Variants in ACACB observed in about 807,000 individuals in gnomAD.
ACACB encodes acetyl-CoA carboxylase beta, also known as acetyl-CoA carboxylase 2.
ACACB carries 209 observed loss-of-function variants against 278.8 expected under a neutral mutation model. The observed-to-expected ratio is 0.75, with a 90% CI of 0.67 to 0.84. The LOEUF is 0.84. ACACB is among the 40% of genes least tolerant of loss of function. The pLI is 0.00. For missense variants in ACACB, 2,850 were observed against 3,269.0 expected (o/e 0.87, Z 3.13); for synonymous variants, 1,174 against 1,285.6 (o/e 0.91, Z 1.86).
Position 109,139,717 on chromosome 12 carries a change from T to C in ACACB, c.312T>C (p.Leu104=), listed in dbSNP as rs1246583972. The part of the protein sequence containing the change: ...PSHQKPPRNP[L]SSSDAAPSPE... ...ACCAGAAGCCCCCAAGAAACCCCCT[T>C]TCTTCCAGTGACGCAGCACCCTCCC... The change falls in exon 2 of 53, where the codon CTT becomes CTC. Residue 104 remains leucine, a synonymous_variant. Coordinates refer to ENST00000338432, the MANE Select transcript of ACACB (RefSeq NM_001093.4). 1 of 1,613,976 alleles carries C rather than the reference T, an allele frequency of 6.2e-7. No homozygotes were observed. The highest frequency in any genetic ancestry group is 1.7e-5 in the Admixed American group (1 of 59,990).
intron 21 of ACACB, among the ~76,000 whole-genome samples, chr12:109,210,220 CATGT>C (rs2045728313): frequency 3.3e-5 from 1 of 30,622 alleles, no homozygotes; most frequent in South Asian, 1.6e-3. Context: ...TATATACACA[CATGT>C]GTGTATATGT....
intron 3 of ACACB, 104 bp downstream of exon 3, chr12:109,167,097 T>C: frequency 6.7e-7 from 1 of 1,500,664 alleles, no homozygotes; most frequent in South Asian, 1.2e-5. Flanking sequence ...TTCTGCCTGC[T>C]GCAGAGAGGG....
At chr12:109,129,104 AAAAT>A (rs71443837) in intron 1 of ACACB, among the ~76,000 whole-genome samples, 30,849 of 151,606 alleles carry the variant, frequency 0.2, 3,137 homozygotes, top group East Asian at 0.33. Context: ...TGTCTCGAAA[AAAAT>A]AAATAAATAA....
chr12:109,139,903 C>A lies in ACACB; in HGVS notation c.498C>A (p.Ile166=). The A allele has an allele frequency of 6.2e-7, 1 of 1,614,198 alleles. No individual in the cohort carries two copies. The highest frequency in any genetic ancestry group is 8.5e-7 in the Non-Finnish European group (1 of 1,180,040). ...AGAGGCAGCTGATGACCAACTTCAT[C>A]CTGGGCTCTTTTGATGACTACTCCT... The part of the protein sequence containing the change: ...NIKRQLMTNF[I]LGSFDDYSSD... The change falls in exon 2 of 53, where the codon ATC becomes ATA. Residue 166 remains isoleucine, a synonymous_variant. Coordinates refer to ENST00000338432, the MANE Select transcript of ACACB (RefSeq NM_001093.4).
At chr12:109,219,238 ACAGT>A (rs1249610325) in intron 24 of ACACB, among the ~76,000 whole-genome samples, 1 of 152,194 alleles carries the variant, frequency 6.6e-6, no homozygotes, top group Non-Finnish European at 1.5e-5. Context: ...ATTTACAAAA[ACAGT>A]CAGTAGGCAG....
upstream of ACACB, among the ~76,000 whole-genome samples, chr12:109,114,190 G>A (rs1345914537): frequency 6.6e-6 from 1 of 152,070 alleles, no homozygotes; most frequent in African/African-American, 2.4e-5. Flanking sequence ...CCAGGCTAGG[G>A]AACCAGTTTT....
chr12:109,242,677 C>A, intron 37 of ACACB, 85 bp downstream of exon 37: 1 of 1,500,768 alleles, frequency 6.7e-7, no homozygotes, highest in South Asian at 1.2e-5. Context: ...AATTCTCCTT[C>A]TAAAGACCTA....
At chr12:109,136,800 G>T (rs1431915379) in intron 1 of ACACB, among the ~76,000 whole-genome samples, 1 of 152,130 alleles carries the variant, frequency 6.6e-6, no homozygotes, top group Non-Finnish European at 1.5e-5. Context: ...GTGAATAGGG[G>T]TGGCTTTACT....
At chr12:109,209,830 T>TGTATATAC (rs2045631468) in intron 21 of ACACB, among the ~76,000 whole-genome samples, 1 of 144,248 alleles carries the variant, frequency 6.9e-6, no homozygotes, top group Non-Finnish European at 1.5e-5. Context: ...TGCATATATA[T>TGTATATAC]ACACATACAC....
rs200447481 is a variant in ACACB, at chr12:109,247,700, C to G, written c.5666C>G (p.Ser1889Cys). 11 of 1,611,614 alleles carry G rather than the reference C, an allele frequency of 6.8e-6. No homozygotes were observed. Among genetic ancestry groups the G allele is most frequent in the Non-Finnish European group, 9.3e-6 (11 of 1,178,240 alleles). The stretch of plus-strand genomic sequence containing the variant: ...AAACACATCGAGGAAGGAGGAGAGT[C>G]CAGGTAAATAACTTATCAGGTAGCT... ...HCKHIEEGGE[S>C]RYMITDIIGK... Residue 1889 changes from serine to cysteine, a missense_variant, in exon 40 of 53, where the codon TCC becomes TGC. Around this residue, in one of 3 missense-constraint regions of ACACB, gnomAD observed 2,265 missense variants for 2,561.3 expected, o/e 0.88. Transcript: ENST00000338432.
intron 52 of ACACB, among the ~76,000 whole-genome samples, chr12:109,265,851 G>A (rs540817630): frequency 2.8e-4 from 42 of 152,376 alleles, no homozygotes; most frequent in African/African-American, 9.4e-4. Flanking sequence ...ATTTGGAACC[G>A]CTAGCCTTCA....
intron 1 of ACACB, among the ~76,000 whole-genome samples, chr12:109,124,741 GTCTC>G (rs1273206389): frequency 6.6e-6 from 1 of 152,072 alleles, no homozygotes; most frequent in Admixed American, 6.6e-5. Context: ...TTGAGACAGG[GTCTC>G]TCTCTGTCAT....
intron 24 of ACACB, among the ~76,000 whole-genome samples, chr12:109,222,294 C>CGAGTGAATGAGTGAGTGAGT (rs2046190826): frequency 6.6e-6 from 1 of 150,862 alleles, no homozygotes; most frequent in Non-Finnish European, 1.5e-5. Context: ...AATGGGTGGC[C>CGAGTGAATGAGTGAGTGAGT]GAGTGAGTGA....
At chr12:109,157,590 CTCTGTGT>C (rs1565871441) in intron 2 of ACACB, among the ~76,000 whole-genome samples, 1 of 152,026 alleles carries the variant, frequency 6.6e-6, no homozygotes, top group Non-Finnish European at 1.5e-5. Context: ...TCCGTTGAGA[CTCTGTGT>C]GGAAGTCGCT....
intron 16 of ACACB, among the ~76,000 whole-genome samples, chr12:109,196,807 G>C (rs1437980553): frequency 6.6e-6 from 1 of 152,210 alleles, no homozygotes; most frequent in Non-Finnish European, 1.5e-5. Context: ...GGCAGGTGTG[G>C]CTCGCTACTC....
In ACACB at chr12:109,246,170, C is replaced by G. The variant is rs760305139; in HGVS notation, c.5302-9C>G. On this transcript the variant is annotated splice_polypyrimidine_tract_variant and intron_variant, in intron 38 of 52. Transcript: ENST00000338432. ...ACTCATTTTCCTTGTGCATTCATCC[C>G]CTTGCCAGGTGGGCATGGTGGCCTT... 1 of 1,606,568 alleles carries G rather than the reference C, an allele frequency of 6.2e-7. No homozygotes were observed. Among genetic ancestry groups the G allele is most frequent in the East Asian group, 2.2e-5 (1 of 44,656 alleles).
chr12:109,185,541 A>G (rs1263919222), intron 11 of ACACB, 38 bp from the exon 12 acceptor site: 2 of 1,610,130 alleles, frequency 1.2e-6, no homozygotes, highest in Non-Finnish European at 1.7e-6. Context: ...GTGTTCTGGT[A>G]GGACTGACAG....
rs2136187717 is a variant in ACACB, at chr12:109,172,050, C to T, written c.1035+136C>T. The T allele has an allele frequency of 4.9e-6, 4 of 819,166 alleles. No homozygotes were observed. In the Admixed American group the frequency reaches 1.0e-4, roughly 21 times the overall value. 50.7% of individuals were successfully genotyped at this position (819,166 alleles called of 1,614,324 possible). A position where few individuals can be genotyped will look rare whatever the true frequency, so the allele number is the denominator to read the frequency against. ...TCCAAATTCCTGGGCTGATGTAACA[C>T]AGAAAAGAGTGTTCAAGTGAGGCGA... On this transcript the variant is annotated intron_variant, in intron 5 of 52. Transcript: ENST00000338432.
In ACACB at chr12:109,260,464, C is replaced by T. The variant is rs758146890; in HGVS notation, c.6497-16C>T. 9.9e-6 allele frequency: 16 copies of T among 1,613,982 alleles called. No individual in the cohort carries two copies. Among genetic ancestry groups the T allele is most frequent in the Non-Finnish European group, 1.3e-5 (15 of 1,179,974 alleles). On this transcript the variant is annotated splice_polypyrimidine_tract_variant and intron_variant, in intron 47 of 52. Transcript: ENST00000338432. ...TGAGTGAGGGCCCTGAACTGGGAGG[C>T]TGCTTTGCTTTTCAGACATGTATGA...
Sources: allele counts gnomAD v4.1 joint callset (sites outside exome capture counted in the v4.1 genomes callset), GRCh38; gene constraint gnomAD v4.1.1; regional missense constraint gnomAD v4.1.1; transcripts MANE v1.5; gene names NCBI Gene and HGNC (gene_info 2026-07-23, HGNC 2026-07-21).